The following ADGRF5 variants were observed in gnomAD, a reference collection of about 807,000 sequenced individuals.
The protein encoded by ADGRF5 is G-protein coupled receptor 116.
Under a neutral mutation model 132.3 loss-of-function variants are expected in ADGRF5, and 75 were observed. That is an observed-to-expected ratio of 0.57 (90% CI 0.47 to 0.69). The LOEUF is 0.69. Among genes scored for constraint, ADGRF5 ranks in the 30% least tolerant of loss-of-function variants. The pLI, the probability that ADGRF5 is intolerant of heterozygous loss-of-function variation, is 0.00. For synonymous variants in ADGRF5, 629 were observed against 597.6 expected (o/e 1.05, Z -0.77); for missense variants, 1,516 against 1,630.6 (o/e 0.93, Z 1.21).
At chr6:46,938,620 A>G (rs751363318) in intron 1 of ADGRF5, among the ~76,000 whole-genome samples, 9 of 152,218 alleles carry the variant, frequency 5.9e-5, no homozygotes, top group Non-Finnish European at 8.8e-5. Flanking sequence ...AGAGATTCAC[A>G]TGGGTAAGGT....
intron 1 of ADGRF5, among the ~76,000 whole-genome samples, chr6:46,949,319 T>A (rs1376145789): frequency 2.0e-5 from 3 of 152,232 alleles, no homozygotes; most frequent in African/African-American, 7.2e-5. Flanking sequence ...GAACTGCAAG[T>A]TCTTTGAGTC....
Position 46,858,906 on chromosome 6 carries a change from A to C in ADGRF5, c.2997T>G (p.Pro999=). The change falls in exon 17 of 21, where the codon CCT becomes CCG. Residue 999 remains proline (P), a synonymous_variant. Coordinates refer to ENST00000283296, the MANE Select transcript of ADGRF5 (RefSeq NM_001098518.2). ...GGAGAGAACTAGGATCTGGGGAGTC[A>C]GGGGACATGAGGATGGAGAATGATG... ...HLTSFSILMS[P]DSPDPSSLLG... The C allele has an allele frequency of 6.2e-7, 1 of 1,614,092 alleles. No individual in the cohort carries two copies. The highest frequency in any genetic ancestry group is 8.5e-7 in the Non-Finnish European group (1 of 1,179,950).
intron 12 of ADGRF5, among the ~76,000 whole-genome samples, chr6:46,867,506 G>A (rs979586745): frequency 6.6e-6 from 1 of 152,166 alleles, no homozygotes. Flanking sequence ...GAGGTGGGGA[G>A]TTTTTTGACA....
Position 46,941,411 on chromosome 6 carries a change from G to GAAAAT in ADGRF5, c.-25+13322_-25+13323insATTTT, listed in dbSNP as rs1477197961. Among the ~76,000 whole-genome samples the GAAAAT allele has an allele frequency of 1.3e-3, 44 of 33,260 alleles. 1 individual carries two copies. Among genetic ancestry groups the GAAAAT allele is most frequent in the African/African-American group, 5.5e-3 (40 of 7,246 alleles). The allele number at this position is 33,260 out of a possible 152,430, so 21.8% of individuals were successfully genotyped here. Reference sequence around the variant, plus strand: ...ACAAAGAAAAGAAAAGAAAAGAAAAGAAAAGAAAAGAAAAGAAAAGAAAAG... The same window carrying GAAAAT: ...ACAAAGAAAAGAAAAGAAAAGAAAAGAAAATAAAAGAAAAGAAAAGAAAAGAAAAG... On this transcript the variant is annotated intron_variant, in intron 1 of 20. Coordinates refer to the ADGRF5 transcript ENST00000265417.
chr6:46,877,321 CCT>C (rs1771888588), intron 10 of ADGRF5, among the ~76,000 whole-genome samples: 8 of 25,436 alleles, frequency 3.1e-4, no homozygotes, highest in South Asian at 1.1e-3. Flanking sequence ...TTCCTTCCTT[CCT>C]TCTTTCTTTC....
At chr6:46,856,194 T>A (rs1484136115) in intron 19 of ADGRF5, 136 bp from the exon 20 acceptor site, 2 of 608,074 alleles carry the variant, frequency 3.3e-6, no homozygotes, top group Non-Finnish European at 6.0e-6. Flanking sequence ...GAGGTCACAT[T>A]AAAATACTGG....
At chr6:46,941,471 A>AAAAGAAAAGAAAAGAAAAGAAAAG (rs1778084298) in intron 1 of ADGRF5, among the ~76,000 whole-genome samples, 1 of 106,770 alleles carries the variant, frequency 9.4e-6, no homozygotes, top group African/African-American at 3.3e-5. Flanking sequence ...GAAAAGAAAG[A>AAAAGAAAAGAAAAGAAAAGAAAAG]AAAGAAAAGA....
rs1254628299 is a variant in ADGRF5, at chr6:46,943,537, ACCACC to A, written c.-25+11192_-25+11196del. Among the ~76,000 whole-genome samples, 10 of 152,120 alleles carry A rather than the reference ACCACC, an allele frequency of 6.6e-5. No individual in the cohort carries two copies. In the East Asian group the frequency reaches 1.9e-3, roughly 29 times the overall value. ...TTTTAATTGCTATCTCTTGTTGAGGACCACCTCCATCACAGGGTCTCTGCTGAGTG... is the reference window on the plus strand; with the variant it reads ...TTTTAATTGCTATCTCTTGTTGAGGATCCATCACAGGGTCTCTGCTGAGTG... On this transcript the variant is annotated intron_variant, in intron 1 of 20. Transcript: ENST00000265417.
Position 46,859,071 on chromosome 6 carries a change from G to T in ADGRF5, c.2832C>A (p.Asn944Lys), listed in dbSNP as rs372908800. The change falls in exon 17 of 21, where the codon AAC becomes AAA. Residue 944 changes from asparagine (N) to lysine (K), a missense_variant. Physicochemically the swap from Asn to Lys is moderately conservative, Grantham distance 94 (BLOSUM62 0). This residue lies in a region of ADGRF5 where 571 missense variants were observed against 701.2 expected (regional missense o/e 0.81). Transcript: ENST00000283296. ...MPFRISMTFKNNSPSGGETKC... is the reference protein window; with the variant it reads ...MPFRISMTFKKNSPSGGETKC... The stretch of plus-strand genomic sequence containing the variant: ...TCGTTTCGCCGCCTGAAGGGCTATT[G>T]TTCTTAAAAGTCATTGAAATCCTGA... 99 of 1,613,936 alleles carry T rather than the reference G, an allele frequency of 6.1e-5. No individual in the cohort carries two copies. Among genetic ancestry groups the T allele is most frequent in the Non-Finnish European group, 8.2e-5 (97 of 1,179,912 alleles).
chr6:46,875,358 C>A (rs1323623417), intron 10 of ADGRF5, among the ~76,000 whole-genome samples: 1 of 152,144 alleles, frequency 6.6e-6, no homozygotes, highest in African/African-American at 2.4e-5. Flanking sequence ...AGAAGGTATG[C>A]AATTACAATT....
chr6:46,908,007 A>C lies in ADGRF5; in HGVS notation c.-24-1221T>G, dbSNP rs1392539050. The C allele has an allele frequency of 2.0e-5, 3 of 152,198 alleles. No individual in the cohort carries two copies. In the East Asian group the frequency reaches 5.8e-4, roughly 29 times the overall value. 9.4% of individuals were successfully genotyped at this position (152,198 alleles called of 1,614,324 possible). A position where few individuals can be genotyped will look rare whatever the true frequency, so the allele number is the denominator to read the frequency against. On this transcript the variant is annotated intron_variant, in intron 1 of 20. Transcript: ENST00000283296. Reference sequence around the variant, plus strand: ...AGGCTTTGGCTGCAGTGTTGCAGGGAGCGCCAGGTAAGCATGGCCAGGATA... The same window carrying C: ...AGGCTTTGGCTGCAGTGTTGCAGGGCGCGCCAGGTAAGCATGGCCAGGATA...
intron 6 of ADGRF5, among the ~76,000 whole-genome samples, chr6:46,883,316 A>G (rs1772688684): frequency 1.3e-5 from 2 of 152,216 alleles, no homozygotes; most frequent in Non-Finnish European, 2.9e-5. Flanking sequence ...TGATGCCACG[A>G]AATCTTAACT....
intron 3 of ADGRF5, among the ~76,000 whole-genome samples, chr6:46,898,496 G>C (rs1774410228): frequency 6.6e-6 from 1 of 152,138 alleles, no homozygotes; most frequent in Non-Finnish European, 1.5e-5. Context: ...GAAGGAGGGA[G>C]AAAGGGAGCA....
chr6:46,895,928 A>G (rs1199562843), intron 3 of ADGRF5, among the ~76,000 whole-genome samples: 9 of 151,888 alleles, frequency 5.9e-5, no homozygotes, highest in African/African-American at 2.2e-4. Context: ...CCAAAGCACC[A>G]TCTCCTAGGT....
Position 46,867,112 on chromosome 6 carries a change from A to T in ADGRF5, c.1647T>A (p.Tyr549Ter). 1 of 1,609,440 alleles carries T rather than the reference A, an allele frequency of 6.2e-7. No individual in the cohort carries two copies. Among genetic ancestry groups the T allele is most frequent in the Non-Finnish European group, 8.5e-7 (1 of 1,175,820 alleles). ...WNGTYHCIFR[Y>*]KNSYSIATKD... ...TGGTTGCAATACTGTATGAATTCTT[A>T]TATCTAAATATGCAGTGATAGGTTC... is the stretch of plus-strand genomic sequence containing the variant. Residue 549 changes from tyrosine (Y) to a stop codon, truncating the protein, a stop_gained, in exon 13 of 21, where the codon TAT (tyrosine) becomes TAA (stop). Coordinates refer to ENST00000283296, the MANE Select transcript of ADGRF5 (RefSeq NM_001098518.2). LOFTEE classifies it high-confidence loss of function.
intron 11 of ADGRF5, 158 bp from the exon 12 acceptor site, chr6:46,869,250 G>C (rs1053747236): frequency 2.1e-6 from 3 of 1,461,832 alleles, no homozygotes; most frequent in Admixed American, 2.6e-5. Context: ...TTGGTACCTT[G>C]CTGCTCCTGG....
chr6:46,912,339 G>A (rs541276610), intron 1 of ADGRF5, among the ~76,000 whole-genome samples: 7 of 152,184 alleles, frequency 4.6e-5, no homozygotes, highest in African/African-American at 1.7e-4. Flanking sequence ...AAAACAACAG[G>A]GGAGTTTGGA....
chr6:46,939,319 G>C (rs898893974), intron 1 of ADGRF5, among the ~76,000 whole-genome samples: 1 of 152,176 alleles, frequency 6.6e-6, no homozygotes, highest in African/African-American at 2.4e-5. Flanking sequence ...GACAGGCAGG[G>C]CTGAAGCTTA....
chr6:46,929,620 C>G (rs1003562700), intron 1 of ADGRF5, among the ~76,000 whole-genome samples: 11 of 150,780 alleles, frequency 7.3e-5, no homozygotes, highest in Admixed American at 4.0e-4. Flanking sequence ...TATCCATATA[C>G]CTAATGTCTA....
Sources: gnomAD v4.1 joint callset for allele counts (sites outside exome capture counted in the v4.1 genomes callset) on GRCh38, gnomAD v4.1.1 for gene constraint, gnomAD v4.1.1 regional missense constraint, MANE v1.5 for transcripts, NCBI Gene and HGNC (gene_info 2026-07-23, HGNC 2026-07-21) for gene names.